Variants in CELSR2 observed in about 807,000 individuals in gnomAD.
CELSR2 encodes cadherin EGF LAG seven-pass G-type receptor 2.
A neutral mutation model predicts 251.6 loss-of-function variants in CELSR2; 81 were observed. The ratio of observed to expected loss-of-function variants is 0.32; its 90% CI spans 0.27 to 0.39. CELSR2 has a LOEUF of 0.39. Among genes scored for constraint, CELSR2 ranks in the 10% least tolerant of loss-of-function variants. The pLI is 1.00. For missense variants in CELSR2, 3,365 were observed against 3,947.7 expected, an observed-to-expected ratio of 0.85 and a Z score of 3.96; for synonymous variants, 1,721 against 1,670.5, an observed-to-expected ratio of 1.03 and a Z score of -0.74.
In CELSR2 at chr1:109,269,165, G is replaced by C. The variant is rs778343377; in HGVS notation, c.6687G>C (p.Glu2229Asp). ...AGPGEAQEPE[E>D]LARRQRRHPE... ...CCGGAGAGGCCCAGGAGCCAGAGGA[G>C]CTGGCACGGCGACAGCGACGGCACC... The change falls in exon 20 of 34, where the codon GAG becomes GAC. Residue 2229 changes from glutamate to aspartate, a missense_variant. By Grantham distance (45) the Glu-to-Asp change is conservative (BLOSUM62 2). Transcript: ENST00000271332. This position sits in a 1 kb window ranked among gnomAD's most constrained non-coding sequence, Gnocchi z 6.4. 6.2e-7 allele frequency: 1 copy of C among 1,611,794 alleles called. No homozygotes were observed. The highest frequency in any genetic ancestry group is 1.1e-5 in the South Asian group (1 of 90,986).
At position 109,252,924 on chromosome 1, in the gene CELSR2, G is replaced by A. The variant is rs1655738002; in HGVS notation, c.2845G>A (p.Asp949Asn). Residue 949 changes from aspartate to asparagine, a missense_variant, in exon 1 of 34, where the codon GAT becomes AAT. Physicochemically the swap from Asp to Asn is conservative, Grantham distance 23 (BLOSUM62 1). This residue lies in a region of CELSR2 where 505 missense variants were observed against 660.0 expected (regional missense o/e 0.77). Transcript: ENST00000271332. This position sits in a 1 kb window ranked among gnomAD's most constrained non-coding sequence, Gnocchi z 4.8. ...AVARVTATDP[D>N]EGTNAQIMYQ... ...GGCCCGGGTCACAGCCACTGACCCC[G>A]ATGAAGGCACCAATGCCCAGATTAT... 3.7e-6 allele frequency: 6 copies of A among 1,612,564 alleles called. No homozygotes were observed. Among genetic ancestry groups the A allele is most frequent in the Non-Finnish European group, 5.1e-6 (6 of 1,179,156 alleles).
At chr1:109,266,880 C>T (rs1417877024) in intron 15 of CELSR2, among the ~76,000 whole-genome samples, 2 of 149,820 alleles carry the variant, frequency 1.3e-5, no homozygotes, top group African/African-American at 2.5e-5. Context: ...CTACCATGCC[C>T]AGCTAATTTT....
chr1:109,255,228 C>T (rs1448415531), intron 1 of CELSR2, among the ~76,000 whole-genome samples: 14 of 152,200 alleles, frequency 9.2e-5, no homozygotes, highest in Admixed American at 3.3e-4. Flanking sequence ...CCTTTGTTTT[C>T]CTCCTCTTGT....
At position 109,273,150 on chromosome 1, in the gene CELSR2, T is replaced by C. The variant is rs765683330; in HGVS notation, c.8339-16T>C. On this transcript the variant is annotated splice_polypyrimidine_tract_variant and intron_variant, in intron 31 of 33. Coordinates refer to ENST00000271332, the MANE Select transcript of CELSR2 (RefSeq NM_001408.3). ...TCTGCCCTCTGTGGGCCTCATCTACTTCCTTTCCCCACCAGATGGGGGCCC... is the reference window on the plus strand; with the variant it reads ...TCTGCCCTCTGTGGGCCTCATCTACCTCCTTTCCCCACCAGATGGGGGCCC... 1 of 1,610,620 alleles carries C rather than the reference T, an allele frequency of 6.2e-7. No individual in the cohort carries two copies. Among genetic ancestry groups the C allele is most frequent in the Admixed American group, 1.7e-5 (1 of 59,240 alleles).
intron 9 of CELSR2, 107 bp from the exon 10 acceptor site, chr1:109,263,971 C>G: frequency 6.9e-7 from 1 of 1,447,232 alleles, no homozygotes. Flanking sequence ...TCTATGGCCT[C>G]AGCTGGGCAG....
intron 2 of CELSR2, 120 bp downstream of exon 2, chr1:109,259,199 C>G (rs1481410746): frequency 1.1e-6 from 1 of 904,970 alleles, no homozygotes; most frequent in Non-Finnish European, 1.6e-6. Flanking sequence ...TGCAGCTACA[C>G]TGAGAGGTCA....
Position 109,271,516 on chromosome 1 carries a change from C to T in CELSR2, c.7803+4C>T. On this transcript the variant is annotated splice_donor_region_variant and intron_variant, in intron 27 of 33. Coordinates refer to ENST00000271332, the MANE Select transcript of CELSR2 (RefSeq NM_001408.3). ...TGCTACCTGCAATTGCATCCAGGTA[C>T]CTGGCCCAGCCTGTGGAGAAGGGAG... 3 of 1,614,182 alleles carry T rather than the reference C, an allele frequency of 1.9e-6. No homozygotes were observed. The highest frequency in any genetic ancestry group is 2.5e-6 in the Non-Finnish European group (3 of 1,180,036).
Position 109,252,439 on chromosome 1 carries a change from C to T in CELSR2, c.2360C>T (p.Ala787Val), listed in dbSNP as rs1266828902. The T allele has an allele frequency of 1.2e-6, 2 of 1,613,618 alleles. No homozygotes were observed. Among genetic ancestry groups the T allele is most frequent in the Admixed American group, 3.3e-5 (2 of 60,020 alleles). ...GTGTCTTACACCCTGGCCATTACTG[C>T]TCGGGACAATGGCATTCCCCAGAAG... ...DQVSYTLAITARDNGIPQKSD... is the reference protein window; with the variant it reads ...DQVSYTLAITVRDNGIPQKSD... The change falls in exon 1 of 34, where the codon GCT becomes GTT. Residue 787 changes from alanine to valine, a missense_variant. Physicochemically the swap from Ala to Val is moderately conservative, Grantham distance 64. This residue lies in a region of CELSR2 where 505 missense variants were observed against 660.0 expected (regional missense o/e 0.77). Coordinates refer to ENST00000271332, the MANE Select transcript of CELSR2 (RefSeq NM_001408.3). The surrounding 1 kb of genome is among the most constrained non-coding windows in gnomAD (Gnocchi z 4.8).
chr1:109,260,630 C>G (rs1655992646), intron 2 of CELSR2, among the ~76,000 whole-genome samples: 1 of 152,148 alleles, frequency 6.6e-6, no homozygotes, highest in African/African-American at 2.4e-5. Context: ...GGCCCATCTG[C>G]TTGTGCACAT....
Position 109,266,110 on chromosome 1 carries a change from T to G in CELSR2, c.5917T>G (p.Tyr1973Asp), listed in dbSNP as rs1443562218. ...CCATGTGCTCTTCCCCGCAGTGAATTATGACAGCTGCCCACGAGCGATTGA... is the reference window on the plus strand; with the variant it reads ...CCATGTGCTCTTCCCCGCAGTGAATGATGACAGCTGCCCACGAGCGATTGA... ...EVTTNGCEVN[Y>D]DSCPRAIEAG... Residue 1973 changes from tyrosine (Y) to aspartate (D), a missense_variant, in exon 15 of 34, where the codon TAT becomes GAT. Transcript: ENST00000271332. 4 of 1,613,870 alleles carry G rather than the reference T, an allele frequency of 2.5e-6. No individual in the cohort carries two copies. The highest frequency in any genetic ancestry group is 3.4e-6 in the Non-Finnish European group (4 of 1,179,992).
At chr1:109,270,382 T>C in intron 23 of CELSR2, 44 bp from the exon 24 acceptor site, 6 of 1,604,716 alleles carry the variant, frequency 3.7e-6, no homozygotes, top group Non-Finnish European at 4.3e-6. Flanking sequence ...GCCTGTGCTC[T>C]GGGCGGGCCC....
At chr1:109,258,019 G>A (rs1655907448) in intron 1 of CELSR2, among the ~76,000 whole-genome samples, 1 of 152,146 alleles carries the variant, frequency 6.6e-6, no homozygotes, top group African/African-American at 2.4e-5. Context: ...AGCCATGGTT[G>A]CGATTATCGT....
intron 1 of CELSR2, among the ~76,000 whole-genome samples, chr1:109,255,190 G>C: frequency 6.6e-6 from 1 of 152,242 alleles, no homozygotes; most frequent in South Asian, 2.1e-4. Flanking sequence ...AGGGAGGCCG[G>C]GGTGAGGGGG....
At chr1:109,266,235 C>T (rs201870419) in intron 15 of CELSR2, 29 bp downstream of exon 15, 8 of 1,612,120 alleles carry the variant, frequency 5.0e-6, no homozygotes, top group Admixed American at 3.3e-5. Flanking sequence ...GATGTGATGT[C>T]GAGGACATGG....
Position 109,262,562 on chromosome 1 carries a change from C to G in CELSR2, c.4544+118C>G, listed in dbSNP as rs558140494. The G allele has an allele frequency of 2.6e-4, 376 of 1,432,260 alleles. 1 individual carries two copies. The highest frequency in any genetic ancestry group is 3.4e-4 in the Non-Finnish European group (360 of 1,067,632). The allele number at this position is 1,432,260 out of a possible 1,614,324, so 88.7% of individuals were successfully genotyped here. ...CCCTTTGCCTCTCTTAGCCCCTGCTCAGCCCTGGGGATGGGGTCAAGACTG... is the reference window on the plus strand; with the variant it reads ...CCCTTTGCCTCTCTTAGCCCCTGCTGAGCCCTGGGGATGGGGTCAAGACTG... On this transcript the variant is annotated intron_variant, in intron 6 of 33. Coordinates refer to ENST00000271332, the MANE Select transcript of CELSR2 (RefSeq NM_001408.3).
rs770752015 is a variant in CELSR2 at position 109,252,206 on chromosome 1, T to A, written c.2127T>A (p.Arg709=). 6.2e-7 allele frequency: 1 copy of A among 1,613,714 alleles called. No individual in the cohort carries two copies. Among genetic ancestry groups the A allele is most frequent in the Non-Finnish European group, 8.5e-7 (1 of 1,180,030 alleles). Residue 709 remains arginine (R), a synonymous_variant, in exon 1 of 34, where the codon CGT becomes CGA. Transcript: ENST00000271332. This position sits in a 1 kb window ranked among gnomAD's most constrained non-coding sequence, Gnocchi z 4.8. The part of the protein sequence containing the change: ...VVNVTDANTH[R]PVFQSSHYTV... ...ATGTCACCGACGCCAACACCCATCG[T>A]CCTGTCTTTCAGAGCTCCCACTATA... is the stretch of plus-strand genomic sequence containing the variant.
Position 109,269,380 on chromosome 1 carries a change from A to T in CELSR2, c.6813-44A>T. The T allele has an allele frequency of 6.2e-7, 1 of 1,610,526 alleles. No homozygotes were observed. Among genetic ancestry groups the T allele is most frequent in the Non-Finnish European group, 8.5e-7 (1 of 1,177,972 alleles). On this transcript the variant is annotated intron_variant, in intron 20 of 33. Transcript: ENST00000271332. The surrounding 1 kb of genome is among the most constrained non-coding windows in gnomAD (Gnocchi z 6.4). ...GGGGGTCGGGGGCGTCTCCCCAGTC[A>T]TGTGACTGCCGTGGTGACTGTGCAC...
rs1286701819 is a variant in CELSR2 at position 109,261,275 on chromosome 1, G to A, written c.4181+11G>A. 1 of 1,610,008 alleles carries A rather than the reference G, an allele frequency of 6.2e-7. No homozygotes were observed. The highest frequency in any genetic ancestry group is 2.2e-5 in the East Asian group (1 of 44,854). Reference sequence around the variant, plus strand: ...CACCCTGGCCCTCTCGTGAGTGGCTGGGCACTGGGGGTGGGGAGTGGGCCT... The same window carrying A: ...CACCCTGGCCCTCTCGTGAGTGGCTAGGCACTGGGGGTGGGGAGTGGGCCT... On this transcript the variant is annotated intron_variant, in intron 3 of 33. Coordinates refer to ENST00000271332, the MANE Select transcript of CELSR2 (RefSeq NM_001408.3). The surrounding 1 kb of genome is among the most constrained non-coding windows in gnomAD (Gnocchi z 4.8).
At chr1:109,272,573 A>G in intron 29 of CELSR2, 67 bp from the exon 30 acceptor site, 1 of 1,516,896 alleles carries the variant, frequency 6.6e-7, no homozygotes, top group South Asian at 1.1e-5. Context: ...ATCCCAGGGG[A>G]GAGGAGAGAC....
Sources: allele counts gnomAD v4.1 joint callset (sites outside exome capture counted in the v4.1 genomes callset), GRCh38; gene constraint gnomAD v4.1.1; regional missense constraint gnomAD v4.1.1; non-coding constraint Gnocchi (gnomAD v3.1); transcripts MANE v1.5; gene names NCBI Gene and HGNC (gene_info 2026-07-23, HGNC 2026-07-21).